BBS7: variants seen among roughly 807,000 people sequenced by gnomAD.
BBS7 encodes the protein Bardet-Biedl syndrome 7.
Under a neutral mutation model 90.3 loss-of-function variants are expected in BBS7, and 50 were observed. The observed-to-expected ratio is 0.55, with a 90% CI of 0.44 to 0.70. BBS7 has a LOEUF of 0.70. Among genes scored for constraint, BBS7 ranks in the 30% least tolerant of loss-of-function variants. The pLI is 0.00. For missense variants in BBS7, 729 were observed against 838.9 expected (o/e 0.87, Z 1.62); for synonymous variants, 235 against 287.4 (o/e 0.82, Z 1.85).
intron 14 of BBS7, among the ~76,000 whole-genome samples, chr4:121,834,034 A>G (rs1490905681): frequency 6.6e-6 from 1 of 152,166 alleles, no homozygotes; most frequent in Non-Finnish European, 1.5e-5. Flanking sequence ...AATACCTTCT[A>G]TCTTCCTGAA....
chr4:121,859,289 G>A lies in BBS7; in HGVS notation c.342-111C>T, dbSNP rs889337204. On this transcript the variant is annotated intron_variant, in intron 4 of 18. Transcript: ENST00000264499. ...TTACTAACATTTTATTATAGACTTA[G>A]AGAACACAGTTTTTAAAACTTTCTC... 4 of 968,162 alleles carry A rather than the reference G, an allele frequency of 4.1e-6. No homozygotes were observed. The African/African-American group carries it at 5.0e-5, about 12-fold the overall frequency. The allele number at this position is 968,162 out of a possible 1,614,324, so 60.0% of individuals were successfully genotyped here. A position where few individuals can be genotyped will look rare whatever the true frequency, so the allele number is the denominator to read the frequency against.
intron 8 of BBS7, among the ~76,000 whole-genome samples, chr4:121,852,720 T>C (rs1726386843): frequency 6.6e-6 from 1 of 152,198 alleles, no homozygotes; most frequent in South Asian, 2.1e-4. Flanking sequence ...CTTTAGAGAC[T>C]TATAATAATA....
Position 121,843,991 on chromosome 4 carries a change from G to T in BBS7, c.1241C>A (p.Pro414Gln). ...IDNVLIQSDV[P>Q]IDLLDVDKNS... The stretch of plus-strand genomic sequence containing the variant: ...TTTATCCACATCAAGTAAATCTATT[G>T]GAACATCACTCTATAGTCAATATTA... Residue 414 changes from proline to glutamine, a missense_variant, in exon 12 of 19, where the codon CCA becomes CAA. Transcript: ENST00000264499. 1 of 1,591,464 alleles carries T rather than the reference G, an allele frequency of 6.3e-7. No homozygotes were observed. Among genetic ancestry groups the T allele is most frequent in the South Asian group, 1.1e-5 (1 of 89,078 alleles).
chr4:121,860,111 C>G (rs1187125124), intron 4 of BBS7, among the ~76,000 whole-genome samples: 1 of 152,024 alleles, frequency 6.6e-6, no homozygotes, highest in African/African-American at 2.4e-5. Flanking sequence ...ATTTTCTATT[C>G]TTCAGTTATT....
chr4:121,870,330 G>A lies in BBS7; in HGVS notation c.-17C>T, dbSNP rs542472680. ...CAGATCCATGATGACTACGCGGAGG[G>A]GCTAAGCAGCGCCGGACAAGAACAG... On this transcript the variant is annotated 5_prime_UTR_variant, in exon 1 of 19. Transcript: ENST00000264499. The A allele has an allele frequency of 8.1e-5, 130 of 1,614,134 alleles. 1 individual carries two copies. In the South Asian group the frequency reaches 1.3e-3, roughly 16 times the overall value.
chr4:121,833,847 T>C (rs1725318525), intron 14 of BBS7, among the ~76,000 whole-genome samples: 1 of 152,042 alleles, frequency 6.6e-6, no homozygotes, highest in African/African-American at 2.4e-5. Context: ...CCAGCCCTCA[T>C]TTTAAAAAAG....
chr4:121,850,785 G>C (rs887636414), intron 8 of BBS7, among the ~76,000 whole-genome samples: 1 of 152,100 alleles, frequency 6.6e-6, no homozygotes, highest in Non-Finnish European at 1.5e-5. Context: ...GCATTAAACC[G>C]GACAATCAAC....
At chr4:121,868,632 G>A (rs1172916901) in intron 1 of BBS7, among the ~76,000 whole-genome samples, 1 of 123,504 alleles carries the variant, frequency 8.1e-6, no homozygotes, top group Non-Finnish European at 1.6e-5. Flanking sequence ...GGTGAGTCAT[G>A]ATCATGCCAC....
intron 3 of BBS7, among the ~76,000 whole-genome samples, chr4:121,862,114 G>T (rs1167769834): frequency 6.6e-6 from 1 of 152,062 alleles, no homozygotes; most frequent in Non-Finnish European, 1.5e-5. Context: ...CTTTAATGAG[G>T]TCCAATGAAC....
intron 5 of BBS7, 100 bp downstream of exon 5, chr4:121,858,892 G>T: frequency 9.2e-7 from 1 of 1,090,086 alleles, no homozygotes; most frequent in Non-Finnish European, 1.3e-6. Flanking sequence ...GTTTATAAAA[G>T]CCCTTAAAAC....
rs1727525834 is a variant in BBS7, at chr4:121,870,412, C to T, written c.-99G>A. 6.9e-7 allele frequency: 1 copy of T among 1,451,892 alleles called. No homozygotes were observed. The highest frequency in any genetic ancestry group is 2.3e-5 in the East Asian group (1 of 43,014). 89.9% of individuals were successfully genotyped at this position (1,451,892 alleles called of 1,614,324 possible). ...CGACCCAGTCAGAAGGCTGCCCGCG[C>T]CCCTCAAAAGCCAGCCCCAGCTACC... On this transcript the variant is annotated 5_prime_UTR_variant, in exon 1 of 19. Transcript: ENST00000264499.
At chr4:121,862,665 T>A (rs904155108) in intron 3 of BBS7, among the ~76,000 whole-genome samples, 24 of 152,214 alleles carry the variant, frequency 1.6e-4, no homozygotes, top group African/African-American at 5.8e-4. Context: ...CCTGCTGGCT[T>A]TGATGAATTA....
intron 18 of BBS7, chr4:121,827,831 C>G: frequency 3.0e-6 from 3 of 1,007,136 alleles, no homozygotes; most frequent in Non-Finnish European, 3.6e-6. Context: ...GAAATACAGT[C>G]TAAGCTCTAA....
chr4:121,840,143 A>C (rs1725662416), intron 12 of BBS7, among the ~76,000 whole-genome samples: 1 of 152,182 alleles, frequency 6.6e-6, no homozygotes, highest in South Asian at 2.1e-4. Context: ...GTGGGAGATA[A>C]TTGAATCATG....
At chr4:121,861,083 A>G (rs1343903067) in intron 4 of BBS7, among the ~76,000 whole-genome samples, 2 of 152,174 alleles carry the variant, frequency 1.3e-5, no homozygotes, top group Non-Finnish European at 2.9e-5. Context: ...TTAGGGAGCT[A>G]TATTTCACTT....
At chr4:121,842,786 A>C (rs1725811847) in intron 12 of BBS7, among the ~76,000 whole-genome samples, 1 of 152,200 alleles carries the variant, frequency 6.6e-6, no homozygotes. Context: ...TCTACAATGC[A>C]ATTAATCCAA....
At chr4:121,856,020 C>A (rs1490363531) in intron 5 of BBS7, among the ~76,000 whole-genome samples, 2 of 151,902 alleles carry the variant, frequency 1.3e-5, no homozygotes, top group African/African-American at 4.8e-5. Flanking sequence ...ATATTCTCTA[C>A]CTTTAATACA....
chr4:121,838,836 G>A (rs11733882), intron 13 of BBS7, among the ~76,000 whole-genome samples: 47,769 of 150,548 alleles, frequency 0.32, 8,599 homozygotes, highest in East Asian at 0.44. Context: ...TGGAGGATGC[G>A]GTGAACCCAG....
chr4:121,868,677 C>T (rs1448280025), intron 1 of BBS7, among the ~76,000 whole-genome samples: 1 of 70,228 alleles, frequency 1.4e-5, no homozygotes, highest in South Asian at 5.3e-4. Context: ...AGAACAAGAC[C>T]CTGTTTCAAA....
Sources: gnomAD v4.1 joint callset for allele counts (sites outside exome capture counted in the v4.1 genomes callset) on GRCh38, gnomAD v4.1.1 for gene constraint, MANE v1.5 for transcripts, NCBI Gene and HGNC (gene_info 2026-07-23, HGNC 2026-07-21) for gene names.